FAM193A: variants seen among roughly 807,000 people sequenced by gnomAD.
FAM193A encodes the protein protein FAM193A.
In FAM193A, 22 loss-of-function variants were observed where a neutral mutation model predicts 126.5. The observed-to-expected ratio is 0.17, with a 90% CI of 0.12 to 0.25. The LOEUF is 0.25. Among genes scored for constraint, FAM193A ranks in the 10% least tolerant of loss-of-function variants. The pLI, the probability that FAM193A is intolerant of heterozygous loss-of-function variation, is 1.00. For synonymous variants in FAM193A, 761 were observed against 646.8 expected (o/e 1.18, Z -2.68); for missense variants, 1,675 against 1,672.8 (o/e 1.00, Z -0.02).
At chr4:2,682,104 C>T (rs1715212351) in intron 13 of FAM193A, among the ~76,000 whole-genome samples, 1 of 151,572 alleles carries the variant, frequency 6.6e-6, no homozygotes, top group African/African-American at 2.4e-5. Flanking sequence ...CCTGCCTCAG[C>T]CTCCCAAGTA....
chr4:2,564,737 A>G (rs1446555677), intron 1 of FAM193A, among the ~76,000 whole-genome samples: 1 of 152,098 alleles, frequency 6.6e-6, no homozygotes, highest in Non-Finnish European at 1.5e-5. Flanking sequence ...TGGAAGAGTA[A>G]ATGGTTAGAA....
chr4:2,693,693 G>A lies in FAM193A; in HGVS notation c.2911G>A (p.Ala971Thr), dbSNP rs1233625639. The change falls in exon 16 of 21, where the codon GCG becomes ACG. Residue 971 changes from alanine (A) to threonine (T), a missense_variant. Around this residue, in one of 4 missense-constraint regions of FAM193A, gnomAD observed 1,186 missense variants for 1,109.2 expected, o/e 1.07. Coordinates refer to ENST00000637812, the MANE Select transcript of FAM193A (RefSeq NM_001366318.2). ...CCCCCTCCCAGCGCTCTCGCCTGCT[G>A]CGCTGTCACCTGCTGCGCTCTCACC... ...LAPLPALSPA[A>T]LSPAALSPAS... The A allele has an allele frequency of 2.5e-6, 4 of 1,614,054 alleles. No individual in the cohort carries two copies. The highest frequency in any genetic ancestry group is 2.5e-6 in the Non-Finnish European group (3 of 1,180,042).
intron 1 of FAM193A, among the ~76,000 whole-genome samples, chr4:2,545,806 C>A (rs1474881793): frequency 6.6e-6 from 1 of 152,180 alleles, no homozygotes; most frequent in African/African-American, 2.4e-5. Flanking sequence ...CTCAGCCTCC[C>A]AGGTAGCTGG....
intron 13 of FAM193A, among the ~76,000 whole-genome samples, chr4:2,678,288 T>C (rs1714667783): frequency 6.6e-6 from 1 of 150,662 alleles, no homozygotes; most frequent in Non-Finnish European, 1.5e-5. Flanking sequence ...CTGGCCTGTT[T>C]TGTAGTTTTT....
chr4:2,659,546 A>C lies in FAM193A; in HGVS notation c.1390-12A>C. On this transcript the variant is annotated splice_polypyrimidine_tract_variant and intron_variant, in intron 8 of 20. Coordinates refer to ENST00000637812, the MANE Select transcript of FAM193A (RefSeq NM_001366318.2). ...GTCTTGCAAGATTAAAGCATTTTAA[A>C]ATTTCCTCTAGTTAACCAATAAGAA... The C allele has an allele frequency of 1.3e-6, 2 of 1,588,402 alleles. No individual in the cohort carries two copies. The highest frequency in any genetic ancestry group is 1.7e-6 in the Non-Finnish European group (2 of 1,156,738).
chr4:2,608,218 G>T (rs958455538), intron 2 of FAM193A: 1 of 1,208,176 alleles, frequency 8.3e-7, no homozygotes, highest in South Asian at 1.4e-5. Context: ...GGTCGGTCTC[G>T]CCCAGTATGG....
chr4:2,581,135 C>A (rs1739904874), intron 1 of FAM193A, among the ~76,000 whole-genome samples: 5 of 149,898 alleles, frequency 3.3e-5, no homozygotes, highest in Admixed American at 2.7e-4. Flanking sequence ...TCTCAAAAAA[C>A]AACAACAAAA....
At chr4:2,671,352 T>G (rs1298246101) in intron 12 of FAM193A, among the ~76,000 whole-genome samples, 2 of 152,210 alleles carry the variant, frequency 1.3e-5, no homozygotes. Context: ...CCCTATTCAT[T>G]CCCTTCTAAG....
At position 2,639,722 on chromosome 4, in the gene FAM193A, T is replaced by G; in HGVS notation, c.1039-13T>G. The G allele has an allele frequency of 7.5e-6, 12 of 1,605,088 alleles. No homozygotes were observed. Among genetic ancestry groups the G allele is most frequent in the Non-Finnish European group, 9.4e-6 (11 of 1,174,824 alleles). Reference sequence around the variant, plus strand: ...CTACATCTTCTGTTTATCTTTTACTTTTTCTTAACCAGGAAAATGAACACT... The same window carrying G: ...CTACATCTTCTGTTTATCTTTTACTGTTTCTTAACCAGGAAAATGAACACT... On this transcript the variant is annotated splice_polypyrimidine_tract_variant and intron_variant, in intron 5 of 20. Coordinates refer to ENST00000637812, the MANE Select transcript of FAM193A (RefSeq NM_001366318.2).
chr4:2,580,045 T>C (rs1739830463), intron 1 of FAM193A, among the ~76,000 whole-genome samples: 1 of 152,090 alleles, frequency 6.6e-6, no homozygotes, highest in South Asian at 2.1e-4. Flanking sequence ...CCATCAATGA[T>C]AGATAGATTG....
In FAM193A at chr4:2,703,831, G is replaced by A. The variant is rs933530489; in HGVS notation, c.4372+3287G>A. Among the ~76,000 whole-genome samples the A allele has an allele frequency of 2.0e-5, 3 of 151,312 alleles. No individual in the cohort carries two copies. In the South Asian group the frequency reaches 6.3e-4, roughly 32 times the overall value. ...AAAAAAAAAAAAGCCACTTATCTGGGCATGGTGGTGCACGCCTGTAGTCCC... is the reference window on the plus strand; with the variant it reads ...AAAAAAAAAAAAGCCACTTATCTGGACATGGTGGTGCACGCCTGTAGTCCC... On this transcript the variant is annotated intron_variant, in intron 19 of 20. Coordinates refer to ENST00000637812, the MANE Select transcript of FAM193A (RefSeq NM_001366318.2).
intron 1 of FAM193A, among the ~76,000 whole-genome samples, chr4:2,562,486 C>G (rs912191586): frequency 6.6e-6 from 1 of 152,150 alleles, no homozygotes; most frequent in Admixed American, 6.6e-5. Context: ...CTCTTCACCC[C>G]TTTCAAGAGT....
rs1404147902 is a variant in FAM193A at position 2,676,512 on chromosome 4, TTTG to T, written c.2331+4150_2331+4152del. Reference sequence around the variant, plus strand: ...GTCCTTTGCTCGTTTTTGAATCAGGTTTGTTGTTGTTGCATTTTAGTTCTCTTT... The same window carrying T: ...GTCCTTTGCTCGTTTTTGAATCAGGTTTGTTGTTGCATTTTAGTTCTCTTT... On this transcript the variant is annotated intron_variant, in intron 13 of 20. Coordinates refer to ENST00000637812, the MANE Select transcript of FAM193A (RefSeq NM_001366318.2). Among the ~76,000 whole-genome samples, 5 of 152,326 alleles carry T rather than the reference TTTG, an allele frequency of 3.3e-5. 1 individual carries two copies. The highest frequency in any genetic ancestry group is 9.6e-5 in the African/African-American group (4 of 41,562).
intron 14 of FAM193A, among the ~76,000 whole-genome samples, 186 bp downstream of exon 14, chr4:2,689,890 G>C (rs1195889954): frequency 2.0e-5 from 3 of 152,126 alleles, no homozygotes; most frequent in Non-Finnish European, 4.4e-5. Flanking sequence ...GCCACCAGTC[G>C]GTCCCACTGT....
chr4:2,652,568 G>A (rs1280661365), intron 7 of FAM193A, among the ~76,000 whole-genome samples: 3 of 152,132 alleles, frequency 2.0e-5, no homozygotes, highest in Admixed American at 1.3e-4. Context: ...GGAGGAAGGG[G>A]GGTGGGGAGG....
chr4:2,702,138 C>A (rs1413093319), intron 19 of FAM193A, among the ~76,000 whole-genome samples: 1 of 152,142 alleles, frequency 6.6e-6, no homozygotes, highest in Non-Finnish European at 1.5e-5. Context: ...GTAGGAAGAG[C>A]TTTCCAACCT....
intron 3 of FAM193A, 81 bp from the exon 4 acceptor site, chr4:2,626,329 A>G: frequency 3.1e-6 from 2 of 653,972 alleles, no homozygotes; most frequent in South Asian, 3.3e-5. Context: ...AGAGCCTGGG[A>G]GGTCCTCTGA....
chr4:2,714,900 T>C (rs1323125664), intron 19 of FAM193A, among the ~76,000 whole-genome samples: 4 of 152,162 alleles, frequency 2.6e-5, no homozygotes, highest in Non-Finnish European at 4.4e-5. Flanking sequence ...CTGTGTGCAC[T>C]GCACCCCCCC....
At chr4:2,660,101 A>G in intron 10 of FAM193A, 47 bp downstream of exon 10, 7 of 1,592,228 alleles carry the variant, frequency 4.4e-6, no homozygotes, top group Non-Finnish European at 6.0e-6. Context: ...AAGTCGCCCC[A>G]GTAATGAGAA....
Sources: gnomAD v4.1 joint callset for allele counts (sites outside exome capture counted in the v4.1 genomes callset) on GRCh38, gnomAD v4.1.1 for gene constraint, gnomAD v4.1.1 regional missense constraint, MANE v1.5 for transcripts, NCBI Gene and HGNC (gene_info 2026-07-23, HGNC 2026-07-21) for gene names.